CSGALNACT1: variants seen among roughly 807,000 people sequenced by gnomAD.
The protein encoded by CSGALNACT1 is beta4GalNAcT-1.
CSGALNACT1 carries 52 observed loss-of-function variants against 51.0 expected under a neutral mutation model. The observed-to-expected ratio is 1.02, with a 90% confidence interval of 0.82 to 1.29. The LOEUF is 1.29. Among genes scored for constraint, CSGALNACT1 ranks in the 50% most tolerant of loss-of-function variants. The pLI is 0.00. For missense variants in CSGALNACT1, 935 were observed against 679.2 expected (o/e 1.38, Z -4.19); for synonymous variants, 341 against 254.4 (o/e 1.34, Z -3.24).
At chr8:19,514,420 CATTA>C (rs143414264) in intron 3 of CSGALNACT1, among the ~76,000 whole-genome samples, 1 of 140,694 alleles carries the variant, frequency 7.1e-6, no homozygotes, top group East Asian at 2.1e-4. Flanking sequence ...TGTCTCCAAA[CATTA>C]ATTAAACAAA....
intron 1 of CSGALNACT1, among the ~76,000 whole-genome samples, chr8:19,651,919 T>G (rs7008983): frequency 8.9e-6 from 1 of 112,426 alleles, no homozygotes. Context: ...CTGTCTGTTT[T>G]TTTTTGTTTT....
chr8:19,477,088 T>A (rs930537640), intron 4 of CSGALNACT1, among the ~76,000 whole-genome samples: 1 of 152,274 alleles, frequency 6.6e-6, no homozygotes, highest in Non-Finnish European at 1.5e-5. Flanking sequence ...TGATCATTAC[T>A]GGCAGGCAGA....
chr8:19,741,479 C>G (rs529601884), intron 1 of CSGALNACT1, among the ~76,000 whole-genome samples: 4 of 148,424 alleles, frequency 2.7e-5, no homozygotes, highest in South Asian at 4.4e-4. Flanking sequence ...AGAAGAATCG[C>G]TTGAAGCCGG....
chr8:19,747,215 T>C (rs932192005), intron 1 of CSGALNACT1, among the ~76,000 whole-genome samples: 1 of 152,026 alleles, frequency 6.6e-6, no homozygotes, highest in Non-Finnish European at 1.5e-5. Flanking sequence ...AAATAATTCC[T>C]GCAGTTGGTT....
intron 1 of CSGALNACT1, among the ~76,000 whole-genome samples, chr8:19,700,111 CAAAAAAAAAAAAAAGAA>C (rs1221631722): frequency 5.1e-5 from 3 of 58,386 alleles, no homozygotes; most frequent in Admixed American, 1.7e-4. Context: ...GACTCCGTCT[CAAAAAAAAAAAAAAGAA>C]AAAAAAAAAC....
rs147744001 is a variant in CSGALNACT1 at position 19,739,211 on chromosome 8, A to G, written c.-297+18639T>C. On this transcript the variant is annotated intron_variant, in intron 1 of 1. Transcript: ENST00000517494. ...TGTAATTTTCTGGCCACTTGTAGGT[A>G]ACAGAAAGTCCTAAAGTTACTTTTA... is the stretch of plus-strand genomic sequence containing the variant. Among the ~76,000 whole-genome samples, 36 of 151,958 alleles carry G rather than the reference A, an allele frequency of 2.4e-4. No individual in the cohort carries two copies. In the East Asian group the frequency reaches 6.8e-3, roughly 29 times the overall value.
At chr8:19,653,620 C>A (rs2058016592) in intron 1 of CSGALNACT1, among the ~76,000 whole-genome samples, 1 of 151,990 alleles carries the variant, frequency 6.6e-6, no homozygotes, top group Non-Finnish European at 1.5e-5. Flanking sequence ...ATGGTGAGAT[C>A]CCATTTCTAC....
At chr8:19,631,612 T>C (rs1488582665) in intron 1 of CSGALNACT1, among the ~76,000 whole-genome samples, 1 of 152,234 alleles carries the variant, frequency 6.6e-6, no homozygotes, top group Non-Finnish European at 1.5e-5. Context: ...TATTACTTAC[T>C]ACCCAAAATA....
At chr8:19,455,640 C>G (rs992923895) in intron 5 of CSGALNACT1, among the ~76,000 whole-genome samples, 1 of 152,184 alleles carries the variant, frequency 6.6e-6, no homozygotes, top group African/African-American at 2.4e-5. Flanking sequence ...TAAATACCCA[C>G]AGGTATTTAC....
intron 1 of CSGALNACT1, among the ~76,000 whole-genome samples, chr8:19,730,117 C>T (rs73202525): frequency 0.012 from 1,862 of 152,276 alleles, 21 homozygotes; most frequent in Non-Finnish European, 0.018. Context: ...TCTATAATCA[C>T]GACTCTCATC....
At chr8:19,518,547 G>T (rs2080004184) in intron 3 of CSGALNACT1, among the ~76,000 whole-genome samples, 1 of 152,162 alleles carries the variant, frequency 6.6e-6, no homozygotes, top group Non-Finnish European at 1.5e-5. Flanking sequence ...CCTCAAACCA[G>T]ACTATAAAAT....
At position 19,480,541 on chromosome 8, in the gene CSGALNACT1, A is replaced by T. The variant is rs113573144; in HGVS notation, c.635-21899T>A. On this transcript the variant is annotated intron_variant, in intron 4 of 9. Coordinates refer to ENST00000454498, the Ensembl canonical transcript of CSGALNACT1. ...GTTGATGGGCATTTAGGTTGATTCCATGTCTTCGCTGTTGTGAGTAGTGCT... is the reference window on the plus strand; with the variant it reads ...GTTGATGGGCATTTAGGTTGATTCCTTGTCTTCGCTGTTGTGAGTAGTGCT... Among the ~76,000 whole-genome samples the T allele has an allele frequency of 7.5e-3, 1,136 of 152,202 alleles. 19 individuals carry two copies. The highest frequency in any genetic ancestry group is 0.026 in the African/African-American group (1,060 of 41,520).
intron 3 of CSGALNACT1, among the ~76,000 whole-genome samples, chr8:19,566,545 C>G (rs988176322): frequency 6.6e-6 from 1 of 152,134 alleles, no homozygotes; most frequent in African/African-American, 2.4e-5. Context: ...TATAAAAAAC[C>G]TGGTACAATA....
At position 19,530,067 on chromosome 8, in the gene CSGALNACT1, A is replaced by C. The variant is rs112545334; in HGVS notation, c.-296-23937T>G. ...AAACTCTGTCTCTACTAAAAATACA[A>C]AATAATTAGCCAGGCATAGTGGTGC... On this transcript the variant is annotated intron_variant, in intron 3 of 9. Transcript: ENST00000454498. Among the ~76,000 whole-genome samples, 653 of 152,144 alleles carry C rather than the reference A, an allele frequency of 4.3e-3. 5 individuals carry two copies. Among genetic ancestry groups the C allele is most frequent in the African/African-American group, 0.015 (606 of 41,482 alleles).
intron 3 of CSGALNACT1, among the ~76,000 whole-genome samples, chr8:19,531,276 T>C (rs1650503892): frequency 6.6e-6 from 1 of 152,116 alleles, no homozygotes; most frequent in South Asian, 2.1e-4. Context: ...TGTAACATAA[T>C]CAGTCTGCCA....
chr8:19,720,265 G>T (rs1298656439), intron 1 of CSGALNACT1, among the ~76,000 whole-genome samples: 3 of 152,182 alleles, frequency 2.0e-5, no homozygotes, highest in African/African-American at 7.2e-5. Context: ...ATGTAGGGAG[G>T]CAGCGTGCTT....
At chr8:19,422,359 A>T (rs1388030783) in intron 6 of CSGALNACT1, among the ~76,000 whole-genome samples, 1 of 152,026 alleles carries the variant, frequency 6.6e-6, no homozygotes, top group Non-Finnish European at 1.5e-5. Flanking sequence ...TGCCCAGCTA[A>T]TTCTTAAAAA....
chr8:19,531,374 A>T lies in CSGALNACT1; in HGVS notation c.-296-25244T>A, dbSNP rs541755014. Among the ~76,000 whole-genome samples, 16 of 152,378 alleles carry T rather than the reference A, an allele frequency of 1.1e-4. No individual in the cohort carries two copies. The South Asian group carries it at 2.1e-3, about 20-fold the overall frequency. On this transcript the variant is annotated intron_variant, in intron 3 of 9. Coordinates refer to ENST00000454498, the Ensembl canonical transcript of CSGALNACT1. ...TAATATTGCCATTCCCATGAGACATATTCTGGACTGCTAAAGAAATTGCAG... is the reference window on the plus strand; with the variant it reads ...TAATATTGCCATTCCCATGAGACATTTTCTGGACTGCTAAAGAAATTGCAG...
chr8:19,642,694 G>C (rs761705193), intron 1 of CSGALNACT1, among the ~76,000 whole-genome samples: 2 of 151,884 alleles, frequency 1.3e-5, no homozygotes, highest in Non-Finnish European at 2.9e-5. Context: ...GCTGAGGTGA[G>C]AGGATCGTTT....
Sources: allele counts gnomAD v4.1 joint callset (sites outside exome capture counted in the v4.1 genomes callset), GRCh38; gene constraint gnomAD v4.1.1; transcripts MANE v1.5; gene names NCBI Gene and HGNC (gene_info 2026-07-23, HGNC 2026-07-21).